Variants in NTM observed in about 807,000 individuals in gnomAD.
The protein encoded by NTM is IgLON family member 2.
NTM carries 13 observed loss-of-function variants against 42.1 expected under a neutral mutation model. The ratio of observed to expected loss-of-function variants is 0.31; its 90% CI spans 0.20 to 0.49. The LOEUF (loss-of-function observed/expected upper bound fraction) is 0.49, where lower values mean the gene tolerates loss of function less well. Ranked by LOEUF, NTM falls within the 20% of genes least tolerant of loss-of-function variation. NTM has a pLI of 0.99. For synonymous variants in NTM, 187 were observed against 179.2 expected (o/e 1.04, Z -0.35); for missense variants, 373 against 452.8 (o/e 0.82, Z 1.60).
chr11:131,638,349 C>T (rs1478097078), intron 1 of NTM, among the ~76,000 whole-genome samples: 1 of 151,944 alleles, frequency 6.6e-6, no homozygotes, highest in Non-Finnish European at 1.5e-5. Flanking sequence ...GGCAGATCAC[C>T]TGAGGTCAGG....
At chr11:131,598,882 TC>T (rs1335585385) in intron 1 of NTM, among the ~76,000 whole-genome samples, 3 of 77,200 alleles carry the variant, frequency 3.9e-5, no homozygotes, top group African/African-American at 6.3e-5. Flanking sequence ...CCTTCTTCCT[TC>T]CTTCCTTCCT....
chr11:131,987,657 TA>T (rs1428233324), intron 2 of NTM, among the ~76,000 whole-genome samples: 2 of 152,200 alleles, frequency 1.3e-5, no homozygotes, highest in African/African-American at 2.4e-5. Flanking sequence ...GGATTGAGTA[TA>T]AAGAAAATCT....
intron 2 of NTM, among the ~76,000 whole-genome samples, chr11:131,975,499 G>A (rs964835630): frequency 1.3e-5 from 2 of 152,040 alleles, no homozygotes; most frequent in Non-Finnish European, 2.9e-5. Flanking sequence ...TCAATGGAAA[G>A]CCTAGTCTTC....
intron 2 of NTM, among the ~76,000 whole-genome samples, chr11:132,038,329 G>A (rs559141472): frequency 1.3e-5 from 2 of 152,370 alleles, no homozygotes; most frequent in East Asian, 3.9e-4. Context: ...CCGGCTGTGT[G>A]TTGTATGTGG....
rs946284906 is a variant in NTM at position 132,122,098 on chromosome 11, C to T, written c.168-24184C>T. On this transcript the variant is annotated intron_variant, in intron 2 of 8. Transcript: ENST00000683400. The stretch of plus-strand genomic sequence containing the variant: ...GCAAAGTGCTATAGGCGCTGAATTG[C>T]GTGTTTAGGAAAGCTGTAGCAAGCC... Among the ~76,000 whole-genome samples, 17 of 152,156 alleles carry T rather than the reference C, an allele frequency of 1.1e-4. 1 individual carries two copies. Among genetic ancestry groups the T allele is most frequent in the Admixed American group, 9.2e-4 (14 of 15,276 alleles).
intron 2 of NTM, among the ~76,000 whole-genome samples, chr11:132,082,900 G>A (rs2059264404): frequency 6.6e-6 from 1 of 152,154 alleles, no homozygotes; most frequent in Admixed American, 6.5e-5. Context: ...CGAGGGTAAG[G>A]ACGGCTCAAA....
chr11:131,742,511 A>G (rs1227419783), intron 1 of NTM, among the ~76,000 whole-genome samples: 1 of 152,236 alleles, frequency 6.6e-6, no homozygotes, highest in Non-Finnish European at 1.5e-5. Context: ...AATCTGAATT[A>G]TGATACAGTT....
chr11:132,230,587 G>A (rs751489193), intron 4 of NTM, among the ~76,000 whole-genome samples: 21 of 152,322 alleles, frequency 1.4e-4, no homozygotes, highest in African/African-American at 3.8e-4. Context: ...CCAAGCAGCC[G>A]CGCCTTGCGC....
chr11:132,191,556 G>A lies in NTM; in HGVS notation c.401-20466G>A, dbSNP rs147373033. On this transcript the variant is annotated intron_variant, in intron 3 of 8. Coordinates refer to ENST00000683400, the MANE Select transcript of NTM (RefSeq NM_001352005.2). ...AAAGACAGTAACTTCAAAGGATAGA[G>A]GAACATCAGCCTTCACATGAGAAAG... Among the ~76,000 whole-genome samples the A allele has an allele frequency of 8.6e-3, 1,317 of 152,324 alleles. 9 individuals are homozygous for A. Among genetic ancestry groups the A allele is most frequent in the Non-Finnish European group, 0.014 (966 of 68,024 alleles).
At chr11:131,783,131 G>T (rs1421452053) in intron 1 of NTM, among the ~76,000 whole-genome samples, 3 of 151,956 alleles carry the variant, frequency 2.0e-5, no homozygotes, top group Non-Finnish European at 4.4e-5. Flanking sequence ...TTTAACAAGG[G>T]TTTATGATTA....
intron 1 of NTM, among the ~76,000 whole-genome samples, chr11:131,677,673 T>A (rs1565411220): frequency 6.6e-6 from 1 of 152,130 alleles, no homozygotes; most frequent in Non-Finnish European, 1.5e-5. Context: ...AAGCCCAAAT[T>A]CTCATAAGAA....
At chr11:132,046,945 A>G (rs984295571) in intron 2 of NTM, among the ~76,000 whole-genome samples, 2 of 152,166 alleles carry the variant, frequency 1.3e-5, no homozygotes, top group Non-Finnish European at 2.9e-5. Context: ...ATTCTGTGTC[A>G]GGAATTACAT....
Position 132,299,686 on chromosome 11 carries a change from A to G in NTM, c.527-8003A>G, listed in dbSNP as rs190121540. 3.1e-4 allele frequency among the ~76,000 whole-genome samples: 47 copies of G among 152,236 alleles called. No homozygotes were observed. In the East Asian group the frequency reaches 7.2e-3, roughly 23 times the overall value. On this transcript the variant is annotated intron_variant, in intron 4 of 8. Coordinates refer to ENST00000683400, the MANE Select transcript of NTM (RefSeq NM_001352005.2). ...CTATTTAGAACAATTCAGCTGTCCC[A>G]TTTCCCAGAGTTGGGCTCTATGTTT... is the stretch of plus-strand genomic sequence containing the variant.
chr11:131,423,435 C>A (rs1947736685), intron 1 of NTM, among the ~76,000 whole-genome samples: 1 of 152,210 alleles, frequency 6.6e-6, no homozygotes, highest in Admixed American at 6.5e-5. Context: ...TCTGCATTCT[C>A]TAAGTTTTGA....
In NTM at chr11:131,789,636, A is replaced by AGAAGAAGAAGAAGAAGAAGAAG. The variant is rs1555127949; in HGVS notation, c.83-121928_83-121927insGAAGAAGAAGAAGAAGAAGAAG. On this transcript the variant is annotated intron_variant, in intron 1 of 8. Coordinates refer to ENST00000683400, the MANE Select transcript of NTM (RefSeq NM_001352005.2). Reference sequence around the variant, plus strand: ...AAGAAGAAGAAGAAGAAGAAGAAGAAAAGAAGAAGAAGAAGAAGAAGAAGA... The same window carrying AGAAGAAGAAGAAGAAGAAGAAG: ...AAGAAGAAGAAGAAGAAGAAGAAGAAGAAGAAGAAGAAGAAGAAGAAGAAGAAGAAGAAGAAGAAGAAGAAGA... Among the ~76,000 whole-genome samples the AGAAGAAGAAGAAGAAGAAGAAG allele has an allele frequency of 7.4e-4, 23 of 30,902 alleles. 3 individuals carry two copies. Among genetic ancestry groups the AGAAGAAGAAGAAGAAGAAGAAG allele is most frequent in the Middle Eastern group, 0.013 (1 of 80 alleles). The allele number at this position is 30,902 out of a possible 152,430, so 20.3% of individuals were successfully genotyped here.
At chr11:132,169,352 TG>T (rs1437330671) in intron 3 of NTM, among the ~76,000 whole-genome samples, 5 of 119,842 alleles carry the variant, frequency 4.2e-5, no homozygotes, top group Admixed American at 3.6e-4. Flanking sequence ...TTTTTTTTTT[TG>T]GAGATGGAGT....
At chr11:131,624,284 T>C (rs781387998) in intron 1 of NTM, among the ~76,000 whole-genome samples, 25 of 152,186 alleles carry the variant, frequency 1.6e-4, no homozygotes, top group South Asian at 6.2e-4. Context: ...TGGCATCGTG[T>C]CTCTGCATTT....
chr11:131,493,485 A>G (rs188399631), intron 1 of NTM, among the ~76,000 whole-genome samples: 2 of 152,250 alleles, frequency 1.3e-5, no homozygotes, highest in African/African-American at 4.8e-5. Flanking sequence ...CATAAAGGGG[A>G]AAATTCTCTT....
At chr11:131,865,687 C>T (rs2047061649) in intron 1 of NTM, among the ~76,000 whole-genome samples, 1 of 151,706 alleles carries the variant, frequency 6.6e-6, no homozygotes, top group South Asian at 2.1e-4. Flanking sequence ...CTCACATACA[C>T]ACCAAAAACA....
Sources: gnomAD v4.1 joint callset for allele counts (sites outside exome capture counted in the v4.1 genomes callset) on GRCh38, gnomAD v4.1.1 for gene constraint, MANE v1.5 for transcripts, NCBI Gene and HGNC (gene_info 2026-07-23, HGNC 2026-07-21) for gene names.